Variants in FSTL4 observed in about 807,000 individuals in gnomAD.
FSTL4 encodes the protein follistatin like 4, also known as follistatin-related protein 4.
Under a neutral mutation model 78.2 loss-of-function variants are expected in FSTL4, and 28 were observed. The observed-to-expected ratio is 0.36, with a 90% CI of 0.27 to 0.49. The LOEUF (loss-of-function observed/expected upper bound fraction) is 0.49. Among genes scored for constraint, FSTL4 ranks in the 20% least tolerant of loss-of-function variants. FSTL4 has a pLI of 0.98. For missense variants in FSTL4, 922 were observed against 1,084.9 expected (o/e 0.85, Z 2.11); for synonymous variants, 422 against 440.5 (o/e 0.96, Z 0.53).
At chr5:133,802,879 T>G in the FSTL4 span, among the ~76,000 whole-genome samples, 7 of 152,288 alleles carry the variant, frequency 4.6e-5, no homozygotes, top group African/African-American at 1.7e-4. Flanking sequence ...GTAACTGGTA[T>G]AGGTGTACAC....
At chr5:133,642,730 A>C in the FSTL4 span, among the ~76,000 whole-genome samples, 3 of 152,238 alleles carry the variant, frequency 2.0e-5, no homozygotes, top group Admixed American at 1.3e-4. Context: ...ATTATGCTCA[A>C]ATATTTTATT....
chr5:133,578,742 T>G (rs1414261497), intron 2 of FSTL4, among the ~76,000 whole-genome samples: 2 of 152,254 alleles, frequency 1.3e-5, no homozygotes, highest in African/African-American at 4.8e-5. Context: ...CAGTCTTTGG[T>G]AGCAAATCCA....
At chr5:133,212,623 A>G (rs1750769538) in intron 13 of FSTL4, among the ~76,000 whole-genome samples, 1 of 152,252 alleles carries the variant, frequency 6.6e-6, no homozygotes, top group South Asian at 2.1e-4. Context: ...ACCCAATGGA[A>G]AGAATGGAAA....
the FSTL4 span, among the ~76,000 whole-genome samples, chr5:133,685,299 G>A: frequency 0.02 from 3,088 of 152,224 alleles, 120 homozygotes; most frequent in African/African-American, 0.07. Flanking sequence ...TTCGATTCAA[G>A]GTTTGTGCGC....
chr5:133,536,791 T>G (rs1346137297), intron 3 of FSTL4, among the ~76,000 whole-genome samples: 1 of 152,182 alleles, frequency 6.6e-6, no homozygotes, highest in African/African-American at 2.4e-5. Context: ...TCTCTTTATA[T>G]TCTATATATT....
At chr5:133,559,323 A>G (rs150771584) in intron 3 of FSTL4, among the ~76,000 whole-genome samples, 95 of 152,368 alleles carry the variant, frequency 6.2e-4, no homozygotes, top group African/African-American at 2.2e-3. Context: ...GTTCCTGAAA[A>G]GCAAAGAAAT....
the FSTL4 span, among the ~76,000 whole-genome samples, chr5:133,790,875 TC>T: frequency 6.6e-6 from 1 of 152,230 alleles, no homozygotes; most frequent in Non-Finnish European, 1.5e-5. Context: ...AGCAGCAGCC[TC>T]CTGACTGGCT....
chr5:133,635,624 G>C, the FSTL4 span, among the ~76,000 whole-genome samples: 2 of 152,144 alleles, frequency 1.3e-5, no homozygotes, highest in Non-Finnish European at 1.5e-5. Flanking sequence ...TTAGCTGGGC[G>C]TGGTGGCACA....
At chr5:133,810,578 C>T in the FSTL4 span, among the ~76,000 whole-genome samples, 1 of 152,072 alleles carries the variant, frequency 6.6e-6, no homozygotes, top group South Asian at 2.1e-4. Context: ...CTCTCTCCTG[C>T]GAGAGAGAAA....
At chr5:133,333,681 C>T (rs983074838) in intron 4 of FSTL4, among the ~76,000 whole-genome samples, 2 of 152,302 alleles carry the variant, frequency 1.3e-5, no homozygotes, top group Admixed American at 6.5e-5. Flanking sequence ...GACCTGTAGC[C>T]GATTCCCAGA....
chr5:133,594,523 A>C (rs900199664), intron 2 of FSTL4, among the ~76,000 whole-genome samples: 1 of 152,232 alleles, frequency 6.6e-6, no homozygotes, highest in Non-Finnish European at 1.5e-5. Flanking sequence ...TCAAATGCTA[A>C]TATGAGAACA....
At chr5:133,568,194 T>C (rs780884984) in intron 2 of FSTL4, among the ~76,000 whole-genome samples, 45 of 152,152 alleles carry the variant, frequency 3.0e-4, no homozygotes, top group Admixed American at 7.2e-4. Context: ...GAAATGCATA[T>C]TGCAGTTTCA....
chr5:133,818,931 C>CTATATATATATATCTATATATATATATA, the FSTL4 span, among the ~76,000 whole-genome samples: 2 of 61,756 alleles, frequency 3.2e-5, no homozygotes, highest in African/African-American at 1.4e-4. Flanking sequence ...TTAGAAGATA[C>CTATATATATATATCTATATATATATATA]TATATATATA....
chr5:133,650,243 A>C, the FSTL4 span, among the ~76,000 whole-genome samples: 1 of 152,152 alleles, frequency 6.6e-6, no homozygotes, highest in Non-Finnish European at 1.5e-5. Context: ...CCCATCCCCA[A>C]CATCAGGAAC....
the FSTL4 span, among the ~76,000 whole-genome samples, chr5:133,638,354 C>G: frequency 6.6e-6 from 1 of 152,176 alleles, no homozygotes; most frequent in Non-Finnish European, 1.5e-5. Flanking sequence ...GCACCCATGT[C>G]TTGACTCCCT....
chr5:133,265,806 T>G (rs1175747503), intron 6 of FSTL4, among the ~76,000 whole-genome samples: 2 of 152,020 alleles, frequency 1.3e-5, no homozygotes, highest in African/African-American at 4.8e-5. Flanking sequence ...CTGTCCCATG[T>G]GGGGATGTGA....
At chr5:133,565,793 T>C (rs1423173633) in intron 3 of FSTL4, among the ~76,000 whole-genome samples, 1 of 152,204 alleles carries the variant, frequency 6.6e-6, no homozygotes, top group Non-Finnish European at 1.5e-5. Flanking sequence ...GACAGTAAGA[T>C]TCCAAAAAGG....
chr5:133,337,466 G>C (rs541769246), intron 4 of FSTL4, among the ~76,000 whole-genome samples: 27 of 152,314 alleles, frequency 1.8e-4, no homozygotes, highest in African/African-American at 6.0e-4. Flanking sequence ...GCTTCTTCGA[G>C]GAGTGGATCT....
intron 3 of FSTL4, among the ~76,000 whole-genome samples, chr5:133,522,511 C>T (rs1561455581): frequency 6.6e-6 from 1 of 152,202 alleles, no homozygotes; most frequent in Non-Finnish European, 1.5e-5. Context: ...TGGACCTTCT[C>T]CAGCTTTCTC....
Sources: allele counts gnomAD v4.1 joint callset (sites outside exome capture counted in the v4.1 genomes callset), GRCh38; gene constraint gnomAD v4.1.1; transcripts MANE v1.5; gene names NCBI Gene and HGNC (gene_info 2026-07-23, HGNC 2026-07-21).